Variants in ESR1 observed in about 807,000 individuals in gnomAD.
The protein encoded by ESR1 is estrogen receptor.
Under a neutral mutation model 52.7 loss-of-function variants are expected in ESR1, and 12 were observed. The observed-to-expected ratio is 0.23, with a 90% CI of 0.15 to 0.37. ESR1 has a LOEUF of 0.37. ESR1 is among the 10% of genes least tolerant of loss of function. The probability of loss-of-function intolerance (pLI) is 1.00; values close to 1 mark genes in which losing one functional copy is unlikely to be tolerated. For synonymous variants in ESR1, 305 were observed against 316.8 expected, an observed-to-expected ratio of 0.96 and a Z score of 0.39; for missense variants, 584 against 779.7, an observed-to-expected ratio of 0.75 and a Z score of 2.99.
chr6:152,057,461 A>C (rs1418388510), intron 5 of ESR1, among the ~76,000 whole-genome samples: 3 of 152,294 alleles, frequency 2.0e-5, no homozygotes, highest in African/African-American at 7.2e-5. Context: ...ATTCTTAAGA[A>C]TATATCAGGA....
At chr6:151,995,513 TA>T (rs2041406244) in intron 4 of ESR1, among the ~76,000 whole-genome samples, 1 of 152,206 alleles carries the variant, frequency 6.6e-6, no homozygotes, top group African/African-American at 2.4e-5. Flanking sequence ...CTGCTTCAAG[TA>T]AAATTATGAC....
At chr6:151,852,230 A>G (rs944157916) in intron 2 of ESR1, among the ~76,000 whole-genome samples, 6 of 152,170 alleles carry the variant, frequency 3.9e-5, no homozygotes, top group African/African-American at 9.7e-5. Context: ...AGCCACAGAA[A>G]CAGAATCAGC....
At chr6:151,715,096 A>T (rs1359864560) in intron 2 of ESR1, among the ~76,000 whole-genome samples, 1 of 152,132 alleles carries the variant, frequency 6.6e-6, no homozygotes, top group Non-Finnish European at 1.5e-5. Context: ...TCACTTATGA[A>T]GCTTAGTTTG....
chr6:151,784,988 C>A (rs935680631), intron 2 of ESR1, among the ~76,000 whole-genome samples: 1 of 151,280 alleles, frequency 6.6e-6, no homozygotes, highest in Admixed American at 6.6e-5. Flanking sequence ...AGCTTTTCAA[C>A]TGATTGGGCA....
intron 1 of ESR1, among the ~76,000 whole-genome samples, chr6:151,678,641 C>T (rs902518351): frequency 6.6e-6 from 1 of 151,818 alleles, no homozygotes; most frequent in Admixed American, 6.6e-5. Context: ...GGGAAGGAGT[C>T]CTAGCCTAGG....
At chr6:151,947,789 T>C (rs1475377161) in intron 4 of ESR1, among the ~76,000 whole-genome samples, 1 of 150,432 alleles carries the variant, frequency 6.6e-6, no homozygotes, top group African/African-American at 2.5e-5. Flanking sequence ...TAAGAAATGA[T>C]TTTTTTTCTC....
chr6:152,107,020 T>C (rs1214489311), downstream of ESR1, among the ~76,000 whole-genome samples: 2 of 152,194 alleles, frequency 1.3e-5, no homozygotes, highest in African/African-American at 4.8e-5. Context: ...TTTTTCTTTA[T>C]TGCTTTTAAG....
At chr6:151,958,781 A>G (rs891554891) in intron 4 of ESR1, among the ~76,000 whole-genome samples, 1 of 152,236 alleles carries the variant, frequency 6.6e-6, no homozygotes, top group Admixed American at 6.5e-5. Context: ...AGTGGTGAAC[A>G]GACATTGAAT....
chr6:151,661,257 C>T (rs1262091501), intron 1 of ESR1, among the ~76,000 whole-genome samples: 1 of 152,094 alleles, frequency 6.6e-6, no homozygotes, highest in African/African-American at 2.4e-5. Context: ...GTATCATTTC[C>T]ATTTTGTAGT....
chr6:151,863,809 G>A (rs1789334594), intron 2 of ESR1, among the ~76,000 whole-genome samples: 1 of 152,130 alleles, frequency 6.6e-6, no homozygotes, highest in Non-Finnish European at 1.5e-5. Flanking sequence ...AAGAAATGGG[G>A]AAAGGATTCC....
chr6:151,675,868 A>G (rs1019251506), intron 1 of ESR1, among the ~76,000 whole-genome samples: 7 of 152,158 alleles, frequency 4.6e-5, no homozygotes, highest in Admixed American at 1.3e-4. Context: ...TTTAAGGACC[A>G]ATTTGCCAGG....
At chr6:151,996,690 A>C (rs2041516664) in intron 4 of ESR1, among the ~76,000 whole-genome samples, 1 of 152,152 alleles carries the variant, frequency 6.6e-6, no homozygotes, top group East Asian at 1.9e-4. Context: ...TAGAGGGTAA[A>C]CGTAGGACTT....
intron 5 of ESR1, among the ~76,000 whole-genome samples, chr6:152,059,585 A>C (rs994314608): frequency 5.3e-5 from 8 of 152,184 alleles, no homozygotes; most frequent in Admixed American, 5.2e-4. Flanking sequence ...AAGAGCAGGC[A>C]GTTTAGAGAA....
At chr6:151,883,129 T>C (rs555221144) in intron 3 of ESR1, among the ~76,000 whole-genome samples, 11 of 152,140 alleles carry the variant, frequency 7.2e-5, no homozygotes, top group Non-Finnish European at 1.0e-4. Context: ...CTCCCTTTTT[T>C]TTTTTTGAGA....
chr6:152,037,193 C>T (rs1026962935), intron 5 of ESR1, among the ~76,000 whole-genome samples: 4 of 151,796 alleles, frequency 2.6e-5, no homozygotes, highest in Non-Finnish European at 4.4e-5. Flanking sequence ...TCCGTATGGT[C>T]GGGCCTAAAG....
Position 152,099,621 on chromosome 6 carries a change from A to T in ESR1, c.*655A>T, listed in dbSNP as rs2050891827. 4.1e-6 allele frequency: 1 copy of T among 246,376 alleles called. No homozygotes were observed. The highest frequency in any genetic ancestry group is 2.2e-5 in the African/African-American group (1 of 45,758). 15.3% of individuals were successfully genotyped at this position (246,376 alleles called of 1,614,324 possible). ...TGGCAAGACTATTTTAACTTGATAC[A>T]CTGCAGATTCAGATGTGCTGAAAGC... is the stretch of plus-strand genomic sequence containing the variant. On this transcript the variant is annotated 3_prime_UTR_variant, in exon 8 of 8. Coordinates refer to ENST00000206249, the MANE Select transcript of ESR1 (RefSeq NM_000125.4).
chr6:151,659,127 C>T (rs757350314), intron 1 of ESR1, among the ~76,000 whole-genome samples: 29 of 152,186 alleles, frequency 1.9e-4, no homozygotes, highest in Admixed American at 7.9e-4. Flanking sequence ...GATTCTCCTG[C>T]CTCAGCCTCC....
chr6:151,707,744 T>TG (rs1780292869), intron 2 of ESR1, among the ~76,000 whole-genome samples: 1 of 152,068 alleles, frequency 6.6e-6, no homozygotes, highest in Non-Finnish European at 1.5e-5. Context: ...TTTTAAAACA[T>TG]GATTGTATTG....
chr6:151,675,446 G>A (rs1156272010), intron 1 of ESR1, among the ~76,000 whole-genome samples: 2 of 152,060 alleles, frequency 1.3e-5, no homozygotes, highest in Non-Finnish European at 2.9e-5. Context: ...AGAGGGTTAG[G>A]GGAACTATAG....
Sources: allele counts gnomAD v4.1 joint callset (sites outside exome capture counted in the v4.1 genomes callset), GRCh38; gene constraint gnomAD v4.1.1; transcripts MANE v1.5; gene names NCBI Gene and HGNC (gene_info 2026-07-23, HGNC 2026-07-21).